Variants in ARHGAP24 observed in about 807,000 individuals in gnomAD.
ARHGAP24 encodes the protein Rho GTPase activating protein 24.
ARHGAP24 carries 50 observed loss-of-function variants against 76.4 expected under a neutral mutation model. The observed-to-expected ratio is 0.65, with a 90% CI of 0.52 to 0.83. ARHGAP24 has a LOEUF of 0.83. Among genes scored for constraint, ARHGAP24 ranks in the 40% least tolerant of loss-of-function variants. ARHGAP24 has a pLI of 0.00. For synonymous variants in ARHGAP24, 345 were observed against 323.3 expected (o/e 1.07, Z -0.72); for missense variants, 930 against 914.2 (o/e 1.02, Z -0.22).
At chr4:85,683,833 C>T (rs1436301769) in intron 2 of ARHGAP24, among the ~76,000 whole-genome samples, 2 of 152,120 alleles carry the variant, frequency 1.3e-5, no homozygotes, top group East Asian at 1.9e-4. Flanking sequence ...TTTGATACCT[C>T]GTGTAAGTGG....
intron 3 of ARHGAP24, among the ~76,000 whole-genome samples, chr4:85,881,538 T>A (rs1324038980): frequency 6.6e-6 from 1 of 152,198 alleles, no homozygotes; most frequent in East Asian, 1.9e-4. Flanking sequence ...CCACATCATT[T>A]CACAGACGGT....
At chr4:85,971,829 G>A (rs1739003976) in intron 5 of ARHGAP24, among the ~76,000 whole-genome samples, 1 of 151,914 alleles carries the variant, frequency 6.6e-6, no homozygotes. Flanking sequence ...CTCACACTGA[G>A]GATTCTATAG....
At chr4:85,666,699 G>A (rs1481940208) in intron 2 of ARHGAP24, among the ~76,000 whole-genome samples, 1 of 152,164 alleles carries the variant, frequency 6.6e-6, no homozygotes, top group Admixed American at 6.5e-5. Context: ...CTGTTTGTTA[G>A]TTTTCCTTTT....
At chr4:85,763,784 A>G (rs1005184392) in intron 3 of ARHGAP24, among the ~76,000 whole-genome samples, 13 of 152,152 alleles carry the variant, frequency 8.5e-5, no homozygotes, top group Non-Finnish European at 1.6e-4. Flanking sequence ...TTGAGTTTTC[A>G]GAAGTATATG....
chr4:85,618,930 GTTGA>G (rs1720621612), intron 2 of ARHGAP24, among the ~76,000 whole-genome samples: 1 of 152,006 alleles, frequency 6.6e-6, no homozygotes, highest in East Asian at 1.9e-4. Flanking sequence ...AGATTGTCTT[GTTGA>G]TTGTTTCCTT....
At chr4:85,864,611 G>GT (rs3029094) in intron 3 of ARHGAP24, among the ~76,000 whole-genome samples, 51 of 149,846 alleles carry the variant, frequency 3.4e-4, no homozygotes, top group African/African-American at 1.2e-3. Context: ...AGGAAAATCA[G>GT]TTTTTTTTTT....
chr4:85,501,793 G>A (rs923846463), intron 1 of ARHGAP24, among the ~76,000 whole-genome samples: 1 of 152,054 alleles, frequency 6.6e-6, no homozygotes, highest in Non-Finnish European at 1.5e-5. Flanking sequence ...TGAAGTCTTT[G>A]CCTATGCCTA....
chr4:85,961,783 C>A (rs1337783404), intron 5 of ARHGAP24, among the ~76,000 whole-genome samples: 7 of 152,008 alleles, frequency 4.6e-5, no homozygotes, highest in African/African-American at 1.7e-4. Context: ...CACATATGCA[C>A]ACGTGCATAC....
At chr4:85,936,439 G>T (rs1736637038) in intron 4 of ARHGAP24, among the ~76,000 whole-genome samples, 1 of 152,064 alleles carries the variant, frequency 6.6e-6, no homozygotes, top group African/African-American at 2.4e-5. Flanking sequence ...TAGAATTAAA[G>T]CTTTGGAGTC....
At chr4:85,646,162 A>G (rs1041543229) in intron 2 of ARHGAP24, among the ~76,000 whole-genome samples, 1 of 152,240 alleles carries the variant, frequency 6.6e-6, no homozygotes, top group East Asian at 1.9e-4. Context: ...TTGAAGCTCC[A>G]TATCATCCTG....
In ARHGAP24 at chr4:85,610,107, C is replaced by T. The variant is rs538255181; in HGVS notation, c.180+39386C>T. On this transcript the variant is annotated intron_variant, in intron 2 of 9. Transcript: ENST00000395184. ...AAGTCTGAGCCAACTTCTTATTGCT[C>T]AGGTCTAGCAGAGCGTTTGGCATTA... is the stretch of plus-strand genomic sequence containing the variant. Among the ~76,000 whole-genome samples the T allele has an allele frequency of 9.2e-5, 14 of 152,120 alleles. No homozygotes were observed. The East Asian group carries it at 2.7e-3, about 29-fold the overall frequency.
At chr4:85,568,258 C>G (rs1162048099) in intron 1 of ARHGAP24, among the ~76,000 whole-genome samples, 1 of 139,590 alleles carries the variant, frequency 7.2e-6, no homozygotes, top group Non-Finnish European at 1.5e-5. Flanking sequence ...CCTAAGGGCC[C>G]TAAGTAATTT....
intron 3 of ARHGAP24, among the ~76,000 whole-genome samples, chr4:85,772,645 G>A (rs1727173502): frequency 6.6e-6 from 1 of 152,164 alleles, no homozygotes. Flanking sequence ...CAGACATGAA[G>A]ATAATTAGAT....
At chr4:85,816,429 A>G (rs929544062) in intron 3 of ARHGAP24, among the ~76,000 whole-genome samples, 1 of 152,176 alleles carries the variant, frequency 6.6e-6, no homozygotes, top group Non-Finnish European at 1.5e-5. Flanking sequence ...TTTACTTAGC[A>G]TAATGCCCCC....
At chr4:85,477,666 G>A (rs1307519956) in intron 1 of ARHGAP24, among the ~76,000 whole-genome samples, 2 of 152,164 alleles carry the variant, frequency 1.3e-5, no homozygotes, top group Non-Finnish European at 2.9e-5. Flanking sequence ...TGAGTAGTCC[G>A]AGTATGATTA....
At chr4:85,481,393 A>G (rs1345276945) in intron 1 of ARHGAP24, among the ~76,000 whole-genome samples, 2 of 152,130 alleles carry the variant, frequency 1.3e-5, no homozygotes, top group Non-Finnish European at 2.9e-5. Flanking sequence ...TGTGTATTTC[A>G]TGGGTTTGGC....
chr4:85,813,621 A>G (rs1186042384), intron 3 of ARHGAP24, among the ~76,000 whole-genome samples: 1 of 151,928 alleles, frequency 6.6e-6, no homozygotes, highest in Non-Finnish European at 1.5e-5. Context: ...ACTTATGAAA[A>G]AATAATTTTA....
At chr4:85,736,233 T>G (rs1194363053) in intron 3 of ARHGAP24, among the ~76,000 whole-genome samples, 1 of 152,236 alleles carries the variant, frequency 6.6e-6, no homozygotes, top group Non-Finnish European at 1.5e-5. Context: ...TTGCCATTTT[T>G]CTTATAGAAA....
intron 2 of ARHGAP24, among the ~76,000 whole-genome samples, chr4:85,663,300 C>T (rs1161620449): frequency 7.6e-6 from 1 of 131,372 alleles, no homozygotes; most frequent in Non-Finnish European, 1.7e-5. Flanking sequence ...GGAGTTCACT[C>T]ATGATTTGGC....
Sources: allele counts gnomAD v4.1 joint callset (sites outside exome capture counted in the v4.1 genomes callset), GRCh38; gene constraint gnomAD v4.1.1; transcripts MANE v1.5; gene names NCBI Gene and HGNC (gene_info 2026-07-23, HGNC 2026-07-21).